BCKDHA: variants seen among roughly 807,000 people sequenced by gnomAD.
BCKDHA encodes the protein branched chain keto acid dehydrogenase E1 subunit alpha.
A neutral mutation model predicts 52.2 loss-of-function variants in BCKDHA; 43 were observed. The ratio of observed to expected loss-of-function variants is 0.82; its 90% CI spans 0.64 to 1.06. The LOEUF (loss-of-function observed/expected upper bound fraction) is 1.06. BCKDHA is among the 50% of genes least tolerant of loss of function. BCKDHA has a pLI of 0.00. For synonymous variants in BCKDHA, 234 were observed against 247.9 expected (o/e 0.94, Z 0.53); for missense variants, 527 against 621.3 (o/e 0.85, Z 1.61).
At chr19:41,401,644 AAGG>A (rs1409996152) in intron 1 of BCKDHA, among the ~76,000 whole-genome samples, 2 of 152,126 alleles carry the variant, frequency 1.3e-5, no homozygotes, top group African/African-American at 4.8e-5. Flanking sequence ...TGCTCAGGGA[AAGG>A]AGGAGGAAGG....
intron 1 of BCKDHA, 144 bp downstream of exon 1, chr19:41,398,079 G>A: frequency 1.5e-6 from 1 of 685,530 alleles, no homozygotes; most frequent in Non-Finnish European, 2.4e-6. Flanking sequence ...AGAAGACACC[G>A]AAGGGAAGAT....
rs2039284812 is a variant in BCKDHA at position 41,414,129 on chromosome 19, C to A, written c.456C>A (p.Asp152Glu). 1.9e-6 allele frequency: 3 copies of A among 1,613,570 alleles called. No individual in the cohort carries two copies. The highest frequency in any genetic ancestry group is 2.7e-5 in the African/African-American group (2 of 74,922). Reference protein sequence around the residue: ...VGSAAALDNTDLVFGQYREAG... With the variant: ...VGSAAALDNTELVFGQYREAG... ...GTGCCGCCGCCCTGGACAACACGGA[C>A]CTGGTGTTTGGCCAGTACCGGGAGG... The change falls in exon 4 of 9, where the codon GAC (aspartate) becomes GAA (glutamate). Residue 152 changes from aspartate to glutamate, a missense_variant. Physicochemically the swap from Asp to Glu is conservative, Grantham distance 45 (BLOSUM62 2). Transcript: ENST00000269980.
Position 41,410,983 on chromosome 19 carries a change from C to T in BCKDHA, c.349C>T (p.Arg117Cys), listed in dbSNP as rs188135164. Residue 117 changes from arginine to cysteine, a missense_variant, in exon 3 of 9, where the codon CGC becomes TGC. By Grantham distance (180) the Arg-to-Cys change is radical. Coordinates refer to ENST00000269980, the MANE Select transcript of BCKDHA (RefSeq NM_000709.4). ...KSMTLLNTMD[R>C]ILYESQRQGR... ...CATGACACTGCTTAACACCATGGAC[C>T]GCATCCTCTATGAGTCTCAGCGGCA... 7.0e-5 allele frequency: 113 copies of T among 1,614,128 alleles called. No individual in the cohort carries two copies. Among genetic ancestry groups the T allele is most frequent in the East Asian group, 1.1e-4 (5 of 44,880 alleles).
At chr19:41,398,813 G>T (rs889590787) in intron 1 of BCKDHA, among the ~76,000 whole-genome samples, 1 of 124,872 alleles carries the variant, frequency 8.0e-6, no homozygotes, top group Non-Finnish European at 1.6e-5. Context: ...TTGCTCTGCC[G>T]CTTTCCACTT....
Position 41,412,380 on chromosome 19 carries a change from C to CTTTTTTTTTTTTTTTTTTTTTTT in BCKDHA, c.375+1389_375+1390insTTTTTTTTTTTTTTTTTTTTTTT, listed in dbSNP as rs530972813. Among the ~76,000 whole-genome samples, 47 of 65,858 alleles carry CTTTTTTTTTTTTTTTTTTTTTTT rather than the reference C, an allele frequency of 7.1e-4. 7 individuals carry two copies. Among genetic ancestry groups the CTTTTTTTTTTTTTTTTTTTTTTT allele is most frequent in the African/African-American group, 7.9e-4 (14 of 17,634 alleles). 43.2% of individuals were successfully genotyped at this position (65,858 alleles called of 152,430 possible). A position where few individuals can be genotyped will look rare whatever the true frequency, so the allele number is the denominator to read the frequency against. ...TCATTCCCTCTGTCTGTAGATATTT[C>CTTTTTTTTTTTTTTTTTTTTTTT]TTTTTTTTTTTTTTTTTTACTTTTG... On this transcript the variant is annotated intron_variant, in intron 3 of 8. Coordinates refer to ENST00000269980, the MANE Select transcript of BCKDHA (RefSeq NM_000709.4).
At chr19:41,410,850 C>T (rs761363859) in intron 2 of BCKDHA, 34 bp downstream of exon 2, 3 of 1,613,718 alleles carry the variant, frequency 1.9e-6, no homozygotes, top group Non-Finnish European at 2.5e-6. Context: ...CCCGTGCCCC[C>T]CACGCCCAGG....
chr19:41,398,857 G>C (rs1273567499), intron 1 of BCKDHA, among the ~76,000 whole-genome samples: 1 of 152,052 alleles, frequency 6.6e-6, no homozygotes, highest in African/African-American at 2.4e-5. Flanking sequence ...CACTTCTCTG[G>C]ATCTATGGAG....
chr19:41,415,611 C>T (rs1316426726), intron 4 of BCKDHA: 1 of 152,128 alleles, frequency 6.6e-6, no homozygotes, highest in Non-Finnish European at 1.5e-5. Context: ...GGTAGTGCCT[C>T]CCTGGGCTCT....
chr19:41,404,408 G>A (rs2039170746), intron 1 of BCKDHA, among the ~76,000 whole-genome samples: 1 of 150,296 alleles, frequency 6.7e-6, no homozygotes, highest in African/African-American at 2.5e-5. Context: ...TCCTGCCTCA[G>A]CCTCCCGAGT....
chr19:41,423,604 G>A (rs994344868), intron 8 of BCKDHA, among the ~76,000 whole-genome samples: 1 of 152,216 alleles, frequency 6.6e-6, no homozygotes, highest in Admixed American at 6.5e-5. Flanking sequence ...GGCCAAGGCG[G>A]ACAGATCACC....
At chr19:41,418,423 C>G (rs2039329140) in intron 4 of BCKDHA, among the ~76,000 whole-genome samples, 1 of 152,114 alleles carries the variant, frequency 6.6e-6, no homozygotes, top group Non-Finnish European at 1.5e-5. Flanking sequence ...GGGTGTTCAC[C>G]AGAGGTTTTG....
Position 41,424,865 on chromosome 19 carries a change from G to A in BCKDHA, c.*257G>A. 1 of 463,682 alleles carries A rather than the reference G, an allele frequency of 2.2e-6. No individual in the cohort carries two copies. The highest frequency in any genetic ancestry group is 3.9e-6 in the Non-Finnish European group (1 of 258,688). The allele number at this position is 463,682 out of a possible 1,614,324, so 28.7% of individuals were successfully genotyped here. Reference sequence around the variant, plus strand: ...GTTGTTACAGTGCCTTCTCCCAGGGGCTGGGTGAGGGCACATTCAGGACTA... The same window carrying A: ...GTTGTTACAGTGCCTTCTCCCAGGGACTGGGTGAGGGCACATTCAGGACTA... On this transcript the variant is annotated 3_prime_UTR_variant, in exon 9 of 9. Coordinates refer to ENST00000269980, the MANE Select transcript of BCKDHA (RefSeq NM_000709.4).
intron 1 of BCKDHA, among the ~76,000 whole-genome samples, chr19:41,406,540 A>G (rs924979767): frequency 7.4e-5 from 11 of 148,616 alleles, no homozygotes; most frequent in African/African-American, 2.7e-4. Flanking sequence ...CAGTATCTGG[A>G]CTACATGTAA....
intron 1 of BCKDHA, among the ~76,000 whole-genome samples, chr19:41,410,026 C>T (rs769119942): frequency 2.0e-5 from 3 of 152,176 alleles, no homozygotes; most frequent in Non-Finnish European, 2.9e-5. Flanking sequence ...ATCTCGAACT[C>T]CTGACCTCAA....
chr19:41,419,348 C>A, intron 5 of BCKDHA, 52 bp downstream of exon 5: 1 of 1,563,730 alleles, frequency 6.4e-7, no homozygotes, highest in South Asian at 1.2e-5. Context: ...TGTCACACCC[C>A]TGTCCAGGCC....
Position 41,397,936 on chromosome 19 carries a change from G to A in BCKDHA, c.108+1G>A. 6.2e-7 allele frequency: 1 copy of A among 1,613,278 alleles called. No homozygotes were observed. On this transcript the variant is annotated splice_donor_variant, in intron 1 of 8. Coordinates refer to ENST00000269980, the MANE Select transcript of BCKDHA (RefSeq NM_000709.4). LOFTEE classifies it high-confidence loss of function. ...TGGGGCTCGGGGACTGGCTAGATCT[G>A]TGAGTACCTGGGCCCCAGGCGGTTT...
At chr19:41,423,404 C>G (rs2039391789) in intron 8 of BCKDHA, among the ~76,000 whole-genome samples, 1 of 152,216 alleles carries the variant, frequency 6.6e-6, no homozygotes, top group African/African-American at 2.4e-5. Context: ...ATTTCAGAAA[C>G]TGGTTTGAGA....
intron 4 of BCKDHA, 87 bp downstream of exon 4, chr19:41,414,244 GC>G: frequency 1.5e-6 from 2 of 1,300,474 alleles, no homozygotes; most frequent in Non-Finnish European, 2.2e-6. Context: ...GCAGCATAGT[GC>G]CAGGAAGGTC....
intron 4 of BCKDHA, 96 bp from the exon 5 acceptor site, chr19:41,419,039 T>C: frequency 1.4e-6 from 2 of 1,461,990 alleles, no homozygotes; most frequent in Non-Finnish European, 1.9e-6. Flanking sequence ...GCCTGAGCTT[T>C]CCTGTCTGCC....
Sources: allele counts gnomAD v4.1 joint callset (sites outside exome capture counted in the v4.1 genomes callset), GRCh38; gene constraint gnomAD v4.1.1; transcripts MANE v1.5; gene names NCBI Gene and HGNC (gene_info 2026-07-23, HGNC 2026-07-21).